The following WNK1 variants were observed in gnomAD, a reference collection of about 807,000 sequenced individuals.
WNK1 encodes serine/threonine-protein kinase WNK1.
In WNK1, 38 loss-of-function variants were observed where a neutral mutation model predicts 222.8. The observed-to-expected ratio is 0.17, with a 90% CI of 0.13 to 0.22. The LOEUF is 0.22. Ranked by LOEUF, WNK1 falls within the 10% of genes least tolerant of loss-of-function variation. The pLI is 1.00. For synonymous variants in WNK1, 1,090 were observed against 1,092.9 expected, an observed-to-expected ratio of 1.00 and a Z score of 0.05; for missense variants, 2,348 against 2,918.4, an observed-to-expected ratio of 0.80 and a Z score of 4.50.
chr12:766,815 C>T (rs560405380), intron 1 of WNK1, among the ~76,000 whole-genome samples: 3 of 151,714 alleles, frequency 2.0e-5, no homozygotes, highest in Admixed American at 6.6e-5. Context: ...CTTGCTCTGT[C>T]GCCCAGGCTG....
intron 6 of WNK1, among the ~76,000 whole-genome samples, 169 bp downstream of exon 6, chr12:859,633 T>G (rs112501353): frequency 1.3e-4 from 8 of 62,668 alleles, no homozygotes; most frequent in Non-Finnish European, 2.7e-4. Flanking sequence ...TGTGTGTGTG[T>G]TTTTTTTTTT....
At chr12:809,658 A>G (rs1175659590) in intron 1 of WNK1, among the ~76,000 whole-genome samples, 4 of 152,120 alleles carry the variant, frequency 2.6e-5, no homozygotes, top group Non-Finnish European at 5.9e-5. Flanking sequence ...CAGGCCTTCA[A>G]TCTCTAATTC....
intron 8 of WNK1, chr12:868,272 CAGTGTATGT>C: frequency 4.4e-6 from 7 of 1,602,544 alleles, no homozygotes; most frequent in Non-Finnish European, 6.0e-6. Flanking sequence ...CCTCAGGAAG[CAGTGTATGT>C]AGCTGGGGTA....
In WNK1 at chr12:760,446, A is replaced by G. The variant is rs529647177; in HGVS notation, c.759+6122A>G. On this transcript the variant is annotated intron_variant, in intron 1 of 27. Transcript: ENST00000315939. The stretch of plus-strand genomic sequence containing the variant: ...AATCTATAATGCTCATTTATTAGCA[A>G]TATGTCTTACTGATTTAGGATTGTT... Among the ~76,000 whole-genome samples the G allele has an allele frequency of 4.7e-5, 7 of 147,794 alleles. No individual in the cohort carries two copies. In the South Asian group the frequency reaches 1.5e-3, roughly 33 times the overall value.
chr12:809,888 T>A (rs2154005687), intron 1 of WNK1, among the ~76,000 whole-genome samples: 1 of 152,334 alleles, frequency 6.6e-6, no homozygotes, highest in Non-Finnish European at 1.5e-5. Context: ...CAAACTGCTG[T>A]ACCCTCTGCC....
In WNK1 at chr12:884,763, A is replaced by G; in HGVS notation, c.3959A>G (p.Asn1320Ser). Residue 1320 changes from asparagine to serine, a missense_variant, in exon 19 of 28, where the codon AAC (asparagine) becomes AGC (serine). Asn to Ser is a conservative substitution (Grantham distance 46). Transcript: ENST00000315939. This position sits in a 1 kb window ranked among gnomAD's most constrained non-coding sequence, Gnocchi z 5.6. ...CGTGCCCAAATGACAGAAGGACCCA[A>G]CACAGCACCTCCAAACTTTAGTCAT... The part of the protein sequence containing the change: ...LRRAQMTEGP[N>S]TAPPNFSHTG... 6.2e-7 allele frequency: 1 copy of G among 1,614,180 alleles called. No individual in the cohort carries two copies. Among genetic ancestry groups the G allele is most frequent in the South Asian group, 1.1e-5 (1 of 91,080 alleles).
chr12:840,502 G>A (rs1949546572), intron 4 of WNK1, among the ~76,000 whole-genome samples: 1 of 152,044 alleles, frequency 6.6e-6, no homozygotes, highest in South Asian at 2.1e-4. Context: ...AAAACTACAT[G>A]AAATTCAAAT....
chr12:799,919 A>T (rs1361593520), intron 1 of WNK1, among the ~76,000 whole-genome samples: 1 of 152,042 alleles, frequency 6.6e-6, no homozygotes, highest in African/African-American at 2.4e-5. Flanking sequence ...TCCTGACCTC[A>T]AGTGATCCAC....
At chr12:820,954 C>T (rs757287951) in intron 2 of WNK1, among the ~76,000 whole-genome samples, 35 of 150,946 alleles carry the variant, frequency 2.3e-4, no homozygotes, top group Non-Finnish European at 4.0e-4. Flanking sequence ...GGTCTTTCAC[C>T]ATTGAGTATA....
intron 1 of WNK1, among the ~76,000 whole-genome samples, chr12:785,979 T>C (rs889797042): frequency 3.3e-5 from 5 of 152,222 alleles, no homozygotes; most frequent in Non-Finnish European, 7.3e-5. Context: ...TCATTTATGC[T>C]ACTCAGATCC....
In WNK1 at chr12:865,172, C is replaced by T. The variant is rs72649831; in HGVS notation, c.2139+2902C>T. The T allele has an allele frequency of 7.6e-5, 115 of 1,514,390 alleles. No individual in the cohort carries two copies. The highest frequency in any genetic ancestry group is 1.7e-4 in the Middle Eastern group (1 of 5,988). The allele number at this position is 1,514,390 out of a possible 1,614,324, so 93.8% of individuals were successfully genotyped here. The stretch of plus-strand genomic sequence containing the variant: ...TCTTTCTGCTGTTGCCTCTGTGTCC[C>T]GCATCTCTCCCAGTGCTCTTCCACC... On this transcript the variant is annotated intron_variant, in intron 8 of 27. Coordinates refer to ENST00000315939, the MANE Select transcript of WNK1 (RefSeq NM_018979.4).
At chr12:821,851 T>G (rs1262885319) in intron 2 of WNK1, among the ~76,000 whole-genome samples, 1 of 152,128 alleles carries the variant, frequency 6.6e-6, no homozygotes, top group Non-Finnish European at 1.5e-5. Context: ...CCTCACCCTC[T>G]TTTATTTACT....
intron 4 of WNK1, among the ~76,000 whole-genome samples, chr12:835,435 A>G (rs1485168131): frequency 6.6e-6 from 1 of 152,258 alleles, no homozygotes; most frequent in Non-Finnish European, 1.5e-5. Flanking sequence ...GAAGAATAGA[A>G]TAGAAGTTAT....
At chr12:895,989 CT>C in intron 23 of WNK1, 81 bp from the exon 24 acceptor site, 2 of 1,577,618 alleles carry the variant, frequency 1.3e-6, no homozygotes, top group South Asian at 1.1e-5. Flanking sequence ...TAAAGTGATT[CT>C]TTTTTTCCTT....
intron 1 of WNK1, among the ~76,000 whole-genome samples, chr12:769,222 A>G (rs1184216071): frequency 1.5e-4 from 22 of 150,808 alleles, no homozygotes; most frequent in Admixed American, 1.5e-3. Flanking sequence ...TTTTTTTGAC[A>G]GATTCTCACT....
In WNK1 at chr12:753,236, C is replaced by G. The variant is rs1939461225; in HGVS notation, c.-330C>G. ...GGCCCTCCCCTCATGACTGCGGCGCCTCTGCTGCCACCGCCCGCCCGGCCG... is the reference window on the plus strand; with the variant it reads ...GGCCCTCCCCTCATGACTGCGGCGCGTCTGCTGCCACCGCCCGCCCGGCCG... On this transcript the variant is annotated 5_prime_UTR_variant, in exon 1 of 28. Coordinates refer to ENST00000315939, the MANE Select transcript of WNK1 (RefSeq NM_018979.4). This position sits in a 1 kb window ranked among gnomAD's most constrained non-coding sequence, Gnocchi z 5.2. The G allele has an allele frequency of 3.2e-6, 1 of 312,562 alleles. No homozygotes were observed. Among genetic ancestry groups the G allele is most frequent in the Non-Finnish European group, 5.9e-6 (1 of 168,792 alleles). 19.4% of individuals were successfully genotyped at this position (312,562 alleles called of 1,614,324 possible). A position where few individuals can be genotyped will look rare whatever the true frequency, so the allele number is the denominator to read the frequency against.
intron 4 of WNK1, among the ~76,000 whole-genome samples, chr12:836,796 A>G (rs1949220111): frequency 1.3e-5 from 2 of 152,222 alleles, no homozygotes; most frequent in Admixed American, 6.5e-5. Flanking sequence ...AAGTTTGTTT[A>G]TAGAATATTT....
intron 2 of WNK1, among the ~76,000 whole-genome samples, 153 bp downstream of exon 2, chr12:813,967 A>G (rs1341481829): frequency 6.6e-6 from 1 of 152,196 alleles, no homozygotes; most frequent in African/African-American, 2.4e-5. Context: ...CTTGCCCACA[A>G]AGTCCTCTAG....
intron 8 of WNK1, among the ~76,000 whole-genome samples, chr12:866,025 A>G (rs1471342984): frequency 6.6e-6 from 1 of 151,820 alleles, no homozygotes; most frequent in Non-Finnish European, 1.5e-5. Context: ...ATTAATGTTT[A>G]TAAAAGATCT....
Sources: gnomAD v4.1 joint callset for allele counts (sites outside exome capture counted in the v4.1 genomes callset) on GRCh38, gnomAD v4.1.1 for gene constraint, Gnocchi (gnomAD v3.1) non-coding constraint, MANE v1.5 for transcripts, NCBI Gene and HGNC (gene_info 2026-07-23, HGNC 2026-07-21) for gene names.